The following IRGM variants were observed in gnomAD, a reference collection of about 807,000 sequenced individuals.
IRGM encodes the protein immunity-related GTPase family M protein.
For synonymous variants in IRGM, 98 were observed against 80.6 expected, an observed-to-expected ratio of 1.22 and a Z score of -1.16; for missense variants, 288 against 219.9, an observed-to-expected ratio of 1.31 and a Z score of -1.96.
downstream of IRGM, among the ~76,000 whole-genome samples, chr5:150,852,890 A>G (rs1248966469): frequency 1.3e-5 from 2 of 152,120 alleles, no homozygotes; most frequent in Non-Finnish European, 2.9e-5. Flanking sequence ...TAGAAGAGAA[A>G]ATAATATTGA....
At chr5:150,882,800 T>C (rs979000328) in intron 3 of IRGM, among the ~76,000 whole-genome samples, 1 of 152,120 alleles carries the variant, frequency 6.6e-6, no homozygotes, top group Non-Finnish European at 1.5e-5. Context: ...GCTTCAACAA[T>C]GGACAGATTA....
chr5:150,880,956 G>T (rs540338977), intron 3 of IRGM, among the ~76,000 whole-genome samples: 4 of 151,882 alleles, frequency 2.6e-5, no homozygotes, highest in African/African-American at 9.7e-5. Context: ...GTAAAACCCC[G>T]TCTCTACTAA....
chr5:150,890,652 TTG>T (rs1472488057), intron 3 of IRGM, among the ~76,000 whole-genome samples: 2 of 152,004 alleles, frequency 1.3e-5, no homozygotes, highest in South Asian at 2.1e-4. Context: ...GTTGATATAG[TTG>T]TGTTTTTATT....
At chr5:150,849,868 G>C (rs1252791406), downstream of IRGM, among the ~76,000 whole-genome samples, 1 of 152,036 alleles carries the variant, frequency 6.6e-6, no homozygotes, top group Non-Finnish European at 1.5e-5. Flanking sequence ...GCCTTCCAAA[G>C]TGCTGGGATT....
rs1477282413 is a variant in IRGM, at chr5:150,848,307, G to A, written c.184G>A (p.Ala62Thr). Reference sequence around the variant, plus strand: ...TCGAAACACAGGACATGAGGGTAAGGCCTCACCTCCTACTGAGCTGGTAAA... The same window carrying A: ...TCGAAACACAGGACATGAGGGTAAGACCTCACCTCCTACTGAGCTGGTAAA... ...ALRNTGHEGK[A>T]SPPTELVKAT... The change falls in exon 2 of 2, where the codon GCC becomes ACC. Residue 62 changes from alanine (A) to threonine (T), a missense_variant. Transcript: ENST00000522154. 1 of 1,551,702 alleles carries A rather than the reference G, an allele frequency of 6.4e-7. No individual in the cohort carries two copies. The highest frequency in any genetic ancestry group is 8.7e-7 in the Non-Finnish European group (1 of 1,146,906).
In IRGM at chr5:150,847,961, G is replaced by C. The variant is rs1010293433; in HGVS notation, c.-163G>C. 1.2e-5 allele frequency: 7 copies of C among 602,064 alleles called. No individual in the cohort carries two copies. The East Asian group carries it at 2.0e-4, about 17-fold the overall frequency. The allele number at this position is 602,064 out of a possible 1,614,324, so 37.3% of individuals were successfully genotyped here. ...TGGGACTACAGGCGCACACCACCAC[G>C]CGCAGCTAATTTTTTTGTATTTTAG... On this transcript the variant is annotated 5_prime_UTR_variant, in exon 2 of 2. Coordinates refer to ENST00000522154, the MANE Select transcript of IRGM (RefSeq NM_001145805.2).
At chr5:150,861,127 C>T (rs570537874) in intron 1 of IRGM, among the ~76,000 whole-genome samples, 7 of 152,130 alleles carry the variant, frequency 4.6e-5, no homozygotes, top group Non-Finnish European at 8.8e-5. Flanking sequence ...CTGAAGGCTC[C>T]AGTGGTTTGA....
chr5:150,897,242 T>C, intron 3 of IRGM: 1 of 336,792 alleles, frequency 3.0e-6, no homozygotes, highest in Middle Eastern at 8.1e-4. Context: ...TTCTAGAATA[T>C]TTCACTTCTG....
chr5:150,892,734 G>C (rs1043951942), intron 3 of IRGM, among the ~76,000 whole-genome samples: 8 of 151,904 alleles, frequency 5.3e-5, no homozygotes, highest in Non-Finnish European at 1.2e-4. Context: ...TTTACTTAAA[G>C]GTTTATTATT....
intron 3 of IRGM, among the ~76,000 whole-genome samples, chr5:150,889,809 T>C (rs1462551278): frequency 6.6e-6 from 1 of 152,144 alleles, no homozygotes; most frequent in East Asian, 1.9e-4. Flanking sequence ...TCCCTTTTTG[T>C]TTGCTAATGT....
intron 3 of IRGM, among the ~76,000 whole-genome samples, chr5:150,887,362 T>C (rs931453171): frequency 7.2e-5 from 11 of 152,086 alleles, no homozygotes; most frequent in Non-Finnish European, 8.8e-5. Flanking sequence ...AGACTGGCTC[T>C]CTGAAATGAG....
chr5:150,862,998 A>T (rs1168454550), intron 1 of IRGM, among the ~76,000 whole-genome samples: 1 of 152,216 alleles, frequency 6.6e-6, no homozygotes, highest in East Asian at 1.9e-4. Context: ...AAGAAAGAAG[A>T]ATTTATGGGG....
chr5:150,860,492 T>G (rs996939578), intron 1 of IRGM, among the ~76,000 whole-genome samples: 1 of 152,238 alleles, frequency 6.6e-6, no homozygotes, highest in South Asian at 2.1e-4. Context: ...TCCAATATAC[T>G]TGATTGCAAT....
intron 3 of IRGM, among the ~76,000 whole-genome samples, chr5:150,886,184 C>T (rs138326324): frequency 3.3e-5 from 5 of 151,892 alleles, no homozygotes; most frequent in African/African-American, 1.2e-4. Flanking sequence ...TCTTTAGTTC[C>T]GTTTATGTGA....
chr5:150,890,834 T>G (rs1754598066), intron 3 of IRGM, among the ~76,000 whole-genome samples: 1 of 152,092 alleles, frequency 6.6e-6, no homozygotes, highest in Non-Finnish European at 1.5e-5. Flanking sequence ...CACATGAGAA[T>G]GAGTCACCTT....
chr5:150,864,531 A>T (rs1459433578), intron 1 of IRGM, among the ~76,000 whole-genome samples: 1 of 152,078 alleles, frequency 6.6e-6, no homozygotes, highest in Non-Finnish European at 1.5e-5. Flanking sequence ...TTTACAATTC[A>T]ATCCTCTCAC....
At chr5:150,850,341 C>T (rs900580159), downstream of IRGM, among the ~76,000 whole-genome samples, 4 of 152,084 alleles carry the variant, frequency 2.6e-5, no homozygotes, top group African/African-American at 9.7e-5. Flanking sequence ...TTAAAAATTT[C>T]TTCAAAGGAG....
At chr5:150,891,831 T>TA (rs1268080701) in intron 3 of IRGM, among the ~76,000 whole-genome samples, 2 of 152,100 alleles carry the variant, frequency 1.3e-5, no homozygotes, top group African/African-American at 2.4e-5. Flanking sequence ...AAAGCAGTGT[T>TA]AGACATTAAA....
At chr5:150,875,265 C>G (rs1754347325) in intron 1 of IRGM, among the ~76,000 whole-genome samples, 1 of 152,188 alleles carries the variant, frequency 6.6e-6, no homozygotes. Context: ...GCAATACAAC[C>G]TCTTTCTAGG....
Sources: allele counts gnomAD v4.1 joint callset (sites outside exome capture counted in the v4.1 genomes callset), GRCh38; gene constraint gnomAD v4.1.1; transcripts MANE v1.5; gene names NCBI Gene and HGNC (gene_info 2026-07-23, HGNC 2026-07-21).